RIPOR3: variants seen among roughly 807,000 people sequenced by gnomAD.
The protein encoded by RIPOR3 is family with sequence similarity 65 member C.
In RIPOR3, 95 loss-of-function variants were observed where a neutral mutation model predicts 114.3. That is an observed-to-expected ratio of 0.83 (90% confidence interval 0.70 to 0.99). The LOEUF (loss-of-function observed/expected upper bound fraction) is 0.99. Among genes scored for constraint, RIPOR3 ranks in the 50% least tolerant of loss-of-function variants. RIPOR3 has a pLI of 0.00. For synonymous variants in RIPOR3, 575 were observed against 543.8 expected (o/e 1.06, Z -0.80); for missense variants, 1,252 against 1,266.9 (o/e 0.99, Z 0.18).
At chr20:50,606,736 T>C (rs2083732882) in intron 11 of RIPOR3, among the ~76,000 whole-genome samples, 1 of 151,910 alleles carries the variant, frequency 6.6e-6, no homozygotes, top group East Asian at 1.9e-4. Context: ...CCTTTTTTTT[T>C]TTTCTTTTTC....
intron 1 of RIPOR3, among the ~76,000 whole-genome samples, chr20:50,666,551 G>A (rs946479657): frequency 6.8e-6 from 1 of 147,236 alleles, no homozygotes; most frequent in Non-Finnish European, 1.5e-5. Context: ...TGTTTGTTTT[G>A]TTTGTTTTTT....
intron 3 of RIPOR3, among the ~76,000 whole-genome samples, 153 bp from the exon 4 acceptor site, chr20:50,616,233 G>T (rs914821736): frequency 6.6e-6 from 1 of 152,212 alleles, no homozygotes; most frequent in Admixed American, 6.5e-5. Context: ...CACACTGGGG[G>T]CTGTGTGCCC....
At position 50,666,183 on chromosome 20, in the gene RIPOR3, A is replaced by ATTTCTTTTTTCTTTTCTTTTCT. The variant is rs534286175; in HGVS notation, c.3+24942_3+24943insAGAAAAGAAAAGAAAAAAGAAA. 1.0e-3 allele frequency among the ~76,000 whole-genome samples: 45 copies of ATTTCTTTTTTCTTTTCTTTTCT among 43,756 alleles called. 8 individuals are homozygous for ATTTCTTTTTTCTTTTCTTTTCT. The highest frequency in any genetic ancestry group is 2.8e-3 in the South Asian group (2 of 710). 28.7% of individuals were successfully genotyped at this position (43,756 alleles called of 152,430 possible). On this transcript the variant is annotated intron_variant, in intron 1 of 21. Coordinates refer to ENST00000327979, the MANE Select transcript of RIPOR3 (RefSeq NM_001290268.2). ...CCTAGAATACAGAGAAAGGACACCC[A>ATTTCTTTTTTCTTTTCTTTTCT]TTTCTTTTCTTTTCTTTTCTTTTCT...
chr20:50,592,209 G>C, intron 19 of RIPOR3, 135 bp downstream of exon 19: 2 of 852,610 alleles, frequency 2.3e-6, no homozygotes, highest in Non-Finnish European at 3.4e-6. Context: ...TCGTAGCCCA[G>C]GTCCCTCCAT....
At chr20:50,670,608 T>C in intron 1 of RIPOR3, among the ~76,000 whole-genome samples, 1 of 152,188 alleles carries the variant, frequency 6.6e-6, no homozygotes, top group East Asian at 1.9e-4. Flanking sequence ...AGCATGGATA[T>C]CCGTCACCAG....
chr20:50,597,985 G>A (rs963091353), intron 13 of RIPOR3, among the ~76,000 whole-genome samples: 6 of 152,206 alleles, frequency 3.9e-5, no homozygotes, highest in South Asian at 2.1e-4. Flanking sequence ...AGACACCCAC[G>A]GGGACAAGGC....
At chr20:50,589,847 G>C (rs2083054671) in intron 19 of RIPOR3, 78 bp from the exon 20 acceptor site, 1 of 1,334,554 alleles carries the variant, frequency 7.5e-7, no homozygotes, top group Non-Finnish European at 1.1e-6. Flanking sequence ...CAGCCACCAG[G>C]TGCCGACAGT....
Position 50,602,009 on chromosome 20 carries a change from C to A in RIPOR3, c.1659+63G>T. Reference sequence around the variant, plus strand: ...CCCAGGCTGCGTGGCCCCAGAGCCCCCGACTCCCAGTCATCATGCCATCAG... The same window carrying A: ...CCCAGGCTGCGTGGCCCCAGAGCCCACGACTCCCAGTCATCATGCCATCAG... On this transcript the variant is annotated intron_variant, in intron 13 of 21. Coordinates refer to ENST00000327979, the MANE Select transcript of RIPOR3 (RefSeq NM_001290268.2). This position sits in a 1 kb window ranked among gnomAD's most constrained non-coding sequence, Gnocchi z 4.3. 1.4e-6 allele frequency: 2 copies of A among 1,416,336 alleles called. No homozygotes were observed. The highest frequency in any genetic ancestry group is 1.8e-6 in the Non-Finnish European group (2 of 1,081,124). 87.7% of individuals were successfully genotyped at this position (1,416,336 alleles called of 1,614,324 possible). A position where few individuals can be genotyped will look rare whatever the true frequency, so the allele number is the denominator to read the frequency against.
In RIPOR3 at chr20:50,684,446, T is replaced by C. The variant is rs146676028; in HGVS notation, c.3+6680A>G. Among the ~76,000 whole-genome samples, 447 of 152,022 alleles carry C rather than the reference T, an allele frequency of 2.9e-3. 2 individuals carry two copies. The highest frequency in any genetic ancestry group is 6.8e-3 in the Middle Eastern group (2 of 294). On this transcript the variant is annotated intron_variant, in intron 1 of 21. Coordinates refer to ENST00000327979, the MANE Select transcript of RIPOR3 (RefSeq NM_001290268.2). ...GGAGTGGGAAGGAGGAGAGATAAGG[T>C]TAGAGAGGCCTGGGCCCTGCAGGCC...
At chr20:50,596,681 G>A (rs1205136144) in intron 14 of RIPOR3, among the ~76,000 whole-genome samples, 1 of 152,190 alleles carries the variant, frequency 6.6e-6, no homozygotes, top group African/African-American at 2.4e-5. Context: ...TGTGGTAGAG[G>A]CTAGACCTGC....
chr20:50,645,914 G>C (rs939774685), intron 1 of RIPOR3: 7 of 152,242 alleles, frequency 4.6e-5, no homozygotes, highest in African/African-American at 1.7e-4. Flanking sequence ...GACACATCAA[G>C]CCGGCCTGCT....
intron 2 of RIPOR3, among the ~76,000 whole-genome samples, chr20:50,627,844 A>G (rs1024318330): frequency 6.6e-6 from 1 of 152,238 alleles, no homozygotes; most frequent in Non-Finnish European, 1.5e-5. Context: ...ATCAAAGTAC[A>G]GAGCACAGGC....
At chr20:50,614,945 T>C (rs141103081) in intron 4 of RIPOR3, among the ~76,000 whole-genome samples, 3,708 of 152,128 alleles carry the variant, frequency 0.024, 92 homozygotes, top group African/African-American at 0.059. Flanking sequence ...TTATCCCAGC[T>C]ACTCAGGAGG....
At chr20:50,648,463 A>G (rs2123380525) in intron 1 of RIPOR3, among the ~76,000 whole-genome samples, 1 of 143,890 alleles carries the variant, frequency 6.9e-6, no homozygotes, top group East Asian at 2.1e-4. Context: ...GCGGTCCCCA[A>G]CCTTTTTGGC....
intron 17 of RIPOR3, 73 bp downstream of exon 17, chr20:50,594,480 G>A (rs1329995709): frequency 2.8e-5 from 43 of 1,534,368 alleles, no homozygotes; most frequent in Middle Eastern, 1.7e-4. Context: ...GCCAGCTGTG[G>A]CCACCCTGAA....
intron 1 of RIPOR3, among the ~76,000 whole-genome samples, chr20:50,668,038 G>A (rs1163707600): frequency 6.6e-6 from 1 of 152,154 alleles, no homozygotes; most frequent in Admixed American, 6.5e-5. Flanking sequence ...CAGGGGGTGG[G>A]AAGGGTGTTT....
Position 50,592,402 on chromosome 20 carries a change from C to T in RIPOR3, c.2519G>A (p.Cys840Tyr), listed in dbSNP as rs371257156. ...AGCCAGGCGAGCGCTGGCCGCCCTG[C>T]ACACCCTCGGAGTGCCGTCCAGCTG... ...LLQLDGTPRV[C>Y]RAASARLAGA... Residue 840 changes from cysteine (C) to tyrosine (Y), a missense_variant, in exon 19 of 22, where the codon TGC (cysteine) becomes TAC (tyrosine). Cys to Tyr is a radical substitution (Grantham distance 194). Transcript: ENST00000327979. 18 of 1,610,098 alleles carry T rather than the reference C, an allele frequency of 1.1e-5. No homozygotes were observed. Among genetic ancestry groups the T allele is most frequent in the Non-Finnish European group, 1.4e-5 (17 of 1,177,588 alleles).
At chr20:50,665,895 C>T (rs2086174175) in intron 1 of RIPOR3, among the ~76,000 whole-genome samples, 1 of 152,100 alleles carries the variant, frequency 6.6e-6, no homozygotes, top group African/African-American at 2.4e-5. Flanking sequence ...CGTCGCCACG[C>T]ACCTCACTGT....
rs370102527 is a variant in RIPOR3, at chr20:50,685,506, C to T, written c.3+5620G>A. Among the ~76,000 whole-genome samples, 90 of 151,800 alleles carry T rather than the reference C, an allele frequency of 5.9e-4. 2 individuals carry two copies. In the Middle Eastern group the frequency reaches 0.017, roughly 29 times the overall value. On this transcript the variant is annotated intron_variant, in intron 1 of 21. Transcript: ENST00000327979. Reference sequence around the variant, plus strand: ...CTGGGATTACAGGCATGAGCCACTGCGCCTGGCCTGATGGGATAAAATTTT... The same window carrying T: ...CTGGGATTACAGGCATGAGCCACTGTGCCTGGCCTGATGGGATAAAATTTT...
Sources: gnomAD v4.1 joint callset for allele counts (sites outside exome capture counted in the v4.1 genomes callset) on GRCh38, gnomAD v4.1.1 for gene constraint, Gnocchi (gnomAD v3.1) non-coding constraint, MANE v1.5 for transcripts, NCBI Gene and HGNC (gene_info 2026-07-23, HGNC 2026-07-21) for gene names.